ZFP1: variants seen among roughly 807,000 people sequenced by gnomAD.
ZFP1 encodes the protein ZFP1 zinc finger protein.
A neutral mutation model predicts 38.5 loss-of-function variants in ZFP1; 32 were observed. That is an observed-to-expected ratio of 0.83 (90% CI 0.63 to 1.12). ZFP1 has a LOEUF of 1.12. Ranked by LOEUF, ZFP1 falls within the 50% of genes most tolerant of loss-of-function variation. ZFP1 has a pLI of 0.00. For missense variants in ZFP1, 616 were observed against 480.8 expected (o/e 1.28, Z -2.63); for synonymous variants, 245 against 168.8 (o/e 1.45, Z -3.50).
At chr16:75,149,482 A>T (rs1030291049) in intron 1 of ZFP1, among the ~76,000 whole-genome samples, 1 of 150,776 alleles carries the variant, frequency 6.6e-6, no homozygotes, top group African/African-American at 2.4e-5. Context: ...TCAACGAGGG[A>T]CCTCATGTAA....
At chr16:75,163,877 T>C (rs1390971714) in intron 2 of ZFP1, among the ~76,000 whole-genome samples, 1 of 152,180 alleles carries the variant, frequency 6.6e-6, no homozygotes, top group Non-Finnish European at 1.5e-5. Context: ...TCCCAAATGC[T>C]GGGATTACAC....
At chr16:75,131,499 C>T in the ZFP1 span, among the ~76,000 whole-genome samples, 167 of 152,238 alleles carry the variant, frequency 1.1e-3, 2 homozygotes, top group African/African-American at 3.6e-3. Context: ...ACCAAAACAA[C>T]GATCTACCTA....
chr16:75,166,695 G>A, intron 2 of ZFP1, 75 bp from the exon 3 acceptor site: 1 of 1,586,306 alleles, frequency 6.3e-7, no homozygotes, highest in Non-Finnish European at 8.6e-7. Flanking sequence ...CATGATGAAT[G>A]ACATAAAGTT....
the ZFP1 span, among the ~76,000 whole-genome samples, chr16:75,137,068 G>GC: frequency 6.6e-6 from 1 of 152,060 alleles, no homozygotes; most frequent in East Asian, 1.9e-4. Context: ...GGAACCAGGG[G>GC]CCCTTGGAGA....
rs1166239192 is a variant in ZFP1, at chr16:75,170,223, G to C, written c.1113G>C (p.Leu371Phe). 4.3e-6 allele frequency: 7 copies of C among 1,614,006 alleles called. No individual in the cohort carries two copies. The highest frequency in any genetic ancestry group is 5.1e-6 in the Non-Finnish European group (6 of 1,180,018). ...AGAGGTCAACTCTTAGATTACACTT[G>C]CGAATCCACACAGGAGAGAAACCAT... The part of the protein sequence containing the change: ...FSQRSTLRLH[L>F]RIHTGEKPYE... Residue 371 changes from leucine (L) to phenylalanine (F), a missense_variant, in exon 4 of 4, where the codon TTG becomes TTC. Transcript: ENST00000570010.
chr16:75,123,460 TATATATA>T, the ZFP1 span, among the ~76,000 whole-genome samples: 1 of 9,658 alleles, frequency 1.0e-4, no homozygotes, highest in Non-Finnish European at 2.1e-4. Context: ...TATATGTATA[TATATATA>T]TATATATATA....
Position 75,166,815 on chromosome 16 carries a change from G to C in ZFP1, c.61G>C (p.Glu21Gln). ...TGTGACTGTGGACTTTACCCAGGAGGAATGGGAACAACTGGACCCCTCTCA... is the reference window on the plus strand; with the variant it reads ...TGTGACTGTGGACTTTACCCAGGAGCAATGGGAACAACTGGACCCCTCTCA... Reference protein sequence around the residue: ...TDVTVDFTQEEWEQLDPSQRI... With the variant: ...TDVTVDFTQEQWEQLDPSQRI... Residue 21 changes from glutamate (E) to glutamine (Q), a missense_variant, in exon 3 of 4, where the codon GAA (glutamate) becomes CAA (glutamine). Glu to Gln is a conservative substitution (Grantham distance 29). Coordinates refer to ENST00000570010, the MANE Select transcript of ZFP1 (RefSeq NM_153688.4). The C allele has an allele frequency of 6.2e-7, 1 of 1,614,160 alleles. No homozygotes were observed. Among genetic ancestry groups the C allele is most frequent in the South Asian group, 1.1e-5 (1 of 91,082 alleles).
At chr16:75,151,431 T>C (rs2037199507) in intron 1 of ZFP1, among the ~76,000 whole-genome samples, 1 of 152,190 alleles carries the variant, frequency 6.6e-6, no homozygotes, top group Non-Finnish European at 1.5e-5. Flanking sequence ...TACCTTTTTT[T>C]CTGTCTACTT....
At chr16:75,124,820 A>C in the ZFP1 span, among the ~76,000 whole-genome samples, 43 of 148,166 alleles carry the variant, frequency 2.9e-4, no homozygotes, top group South Asian at 1.9e-3. Flanking sequence ...AAAAGGAACC[A>C]GGGAATAAAA....
chr16:75,168,094 T>A (rs11645503), intron 3 of ZFP1, among the ~76,000 whole-genome samples: 2 of 151,842 alleles, frequency 1.3e-5, no homozygotes, highest in African/African-American at 4.8e-5. Flanking sequence ...TGACTTCAAG[T>A]GATCCTCCTG....
chr16:75,166,763 A>C lies in ZFP1; in HGVS notation c.16-7A>C. 6.2e-7 allele frequency: 1 copy of C among 1,614,190 alleles called. No individual in the cohort carries two copies. The highest frequency in any genetic ancestry group is 8.5e-7 in the Non-Finnish European group (1 of 1,180,016). ...ATCTTAGGATGAATAACAATATGCC[A>C]TTTCAGGGATCAGTTTCATTCACGG... On this transcript the variant is annotated splice_region_variant and splice_polypyrimidine_tract_variant and intron_variant, in intron 2 of 3. Transcript: ENST00000570010.
the ZFP1 span, among the ~76,000 whole-genome samples, chr16:75,142,728 A>G: frequency 6.6e-6 from 1 of 152,210 alleles, no homozygotes; most frequent in Non-Finnish European, 1.5e-5. Flanking sequence ...TTTGAGACAG[A>G]GTCTCACTTT....
the ZFP1 span, among the ~76,000 whole-genome samples, chr16:75,136,615 T>A: frequency 3.3e-5 from 5 of 152,218 alleles, no homozygotes; most frequent in Non-Finnish European, 5.9e-5. Context: ...AAGCTTGTAT[T>A]CTTAGAACTT....
At chr16:75,160,869 A>C (rs1036937914) in intron 2 of ZFP1, among the ~76,000 whole-genome samples, 2 of 152,002 alleles carry the variant, frequency 1.3e-5, no homozygotes, top group Non-Finnish European at 2.9e-5. Flanking sequence ...GCCCCGTTAG[A>C]AGGGCTCCTA....
the ZFP1 span, among the ~76,000 whole-genome samples, chr16:75,133,345 G>A: frequency 1.3e-5 from 2 of 152,086 alleles, no homozygotes; most frequent in Non-Finnish European, 2.9e-5. Context: ...TGTCATGGGG[G>A]TTTGCTGTAT....
chr16:75,132,792 G>A, the ZFP1 span, among the ~76,000 whole-genome samples: 1 of 150,928 alleles, frequency 6.6e-6, no homozygotes, highest in Non-Finnish European at 1.5e-5. Context: ...GTGTAGCTGG[G>A]ATTACAGGCA....
the ZFP1 span, chr16:75,119,544 A>C: frequency 2.6e-5 from 4 of 152,036 alleles, no homozygotes; most frequent in Non-Finnish European, 5.9e-5. Context: ...TGCTTCTAGG[A>C]TGGTAGAGAG....
At chr16:75,151,653 G>T (rs1056857845) in intron 1 of ZFP1, among the ~76,000 whole-genome samples, 7 of 152,160 alleles carry the variant, frequency 4.6e-5, no homozygotes, top group African/African-American at 1.4e-4. Flanking sequence ...ACATGTTGCA[G>T]AATATTGACA....
At chr16:75,135,503 C>T in the ZFP1 span, among the ~76,000 whole-genome samples, 2 of 152,154 alleles carry the variant, frequency 1.3e-5, no homozygotes, top group Non-Finnish European at 1.5e-5. Flanking sequence ...GTGGCTCCAG[C>T]CTGTAATCAA....
Sources: allele counts gnomAD v4.1 joint callset (sites outside exome capture counted in the v4.1 genomes callset), GRCh38; gene constraint gnomAD v4.1.1; transcripts MANE v1.5; gene names NCBI Gene and HGNC (gene_info 2026-07-23, HGNC 2026-07-21).